The following SLC16A7 variants were observed in gnomAD, a reference collection of about 807,000 sequenced individuals.
The protein encoded by SLC16A7 is monocarboxylate transporter 2.
A neutral mutation model predicts 34.9 loss-of-function variants in SLC16A7; 33 were observed. The ratio of observed to expected loss-of-function variants is 0.94; its 90% CI spans 0.72 to 1.26. SLC16A7 has a LOEUF of 1.26. Among genes scored for constraint, SLC16A7 ranks in the 50% most tolerant of loss-of-function variants. SLC16A7 has a pLI of 0.00. For synonymous variants in SLC16A7, 201 were observed against 206.6 expected, an observed-to-expected ratio of 0.97 and a Z score of 0.23; for missense variants, 573 against 578.1, an observed-to-expected ratio of 0.99 and a Z score of 0.09.
chr12:59,599,035 G>A (rs1242752540), intron 1 of SLC16A7, among the ~76,000 whole-genome samples: 1 of 152,220 alleles, frequency 6.6e-6, no homozygotes, highest in Non-Finnish European at 1.5e-5. Flanking sequence ...GCTGGGGCAA[G>A]CACCGATGCG....
intron 1 of SLC16A7, among the ~76,000 whole-genome samples, chr12:59,639,714 A>G (rs1002287961): frequency 3.3e-5 from 5 of 151,972 alleles, no homozygotes; most frequent in African/African-American, 4.8e-5. Context: ...CATGCACACA[A>G]CCCTTCCGAC....
Position 59,614,233 on chromosome 12 carries a change from C to T in SLC16A7, c.-130+17997C>T, listed in dbSNP as rs546169998. 1.7e-3 allele frequency among the ~76,000 whole-genome samples: 265 copies of T among 152,096 alleles called. 2 individuals carry two copies. The highest frequency in any genetic ancestry group is 6.1e-3 in the African/African-American group (253 of 41,486). Reference sequence around the variant, plus strand: ...TGTATTTTTAGTAGAGATGGAGTTTCGCCATGTTGGCCAGGCTGGTCTCTA... The same window carrying T: ...TGTATTTTTAGTAGAGATGGAGTTTTGCCATGTTGGCCAGGCTGGTCTCTA... On this transcript the variant is annotated intron_variant, in intron 1 of 5. Transcript: ENST00000547379.
chr12:59,774,588 G>A (rs1882546261), intron 4 of SLC16A7, 69 bp from the exon 5 acceptor site: 1 of 893,536 alleles, frequency 1.1e-6, no homozygotes, highest in African/African-American at 1.7e-5. Context: ...TACATTTTGA[G>A]GAGTAATTTC....
intron 1 of SLC16A7, among the ~76,000 whole-genome samples, chr12:59,649,707 G>T (rs1000368665): frequency 6.6e-6 from 1 of 152,130 alleles, no homozygotes; most frequent in Non-Finnish European, 1.5e-5. Context: ...CCAGCACTTG[G>T]GGATGCTGAG....
At chr12:59,742,865 T>TC (rs1248079177) in intron 3 of SLC16A7, among the ~76,000 whole-genome samples, 3 of 152,214 alleles carry the variant, frequency 2.0e-5, no homozygotes, top group African/African-American at 7.2e-5. Context: ...ACAGTTAATT[T>TC]TCTTCATAAT....
intron 2 of SLC16A7, among the ~76,000 whole-genome samples, chr12:59,665,233 A>G (rs1869095497): frequency 6.6e-6 from 1 of 152,110 alleles, no homozygotes; most frequent in South Asian, 2.1e-4. Context: ...TGTATTAATC[A>G]TAATTATTTA....
chr12:59,750,047 C>T (rs2137321742), intron 3 of SLC16A7, among the ~76,000 whole-genome samples: 1 of 152,188 alleles, frequency 6.6e-6, no homozygotes, highest in East Asian at 1.9e-4. Context: ...TTCTTTACAC[C>T]TTATACAAAA....
chr12:59,687,753 A>C (rs555280872), intron 2 of SLC16A7, among the ~76,000 whole-genome samples: 3 of 152,176 alleles, frequency 2.0e-5, no homozygotes, highest in Non-Finnish European at 2.9e-5. Flanking sequence ...GGCTAAAGGG[A>C]CATGTTCTTA....
In SLC16A7 at chr12:59,638,627, A is replaced by G. The variant is rs564049599; in HGVS notation, c.-129-16525A>G. On this transcript the variant is annotated intron_variant, in intron 1 of 5. Transcript: ENST00000547379. ...TGGTGTAATTTTTAAAATGTCTTTCATGATAATTTTCTAGGAAAAGGTTTG... is the reference window on the plus strand; with the variant it reads ...TGGTGTAATTTTTAAAATGTCTTTCGTGATAATTTTCTAGGAAAAGGTTTG... 1.3e-4 allele frequency among the ~76,000 whole-genome samples: 20 copies of G among 152,246 alleles called. No individual in the cohort carries two copies. The South Asian group carries it at 4.1e-3, about 32-fold the overall frequency.
chr12:59,754,726 A>G (rs551721627), intron 3 of SLC16A7, among the ~76,000 whole-genome samples: 6 of 152,340 alleles, frequency 3.9e-5, no homozygotes. Context: ...CAATCAATAC[A>G]AAAAGAGGGA....
At chr12:59,698,869 G>A (rs892898338) in intron 2 of SLC16A7, among the ~76,000 whole-genome samples, 6 of 151,640 alleles carry the variant, frequency 4.0e-5, no homozygotes, top group Non-Finnish European at 8.9e-5. Flanking sequence ...ATCATAATCC[G>A]ATTGTGAAAA....
rs189149255 is a variant in SLC16A7 at position 59,789,319 on chromosome 12, C to A, written c.*9640C>A. The A allele has an allele frequency of 6.6e-6, 1 of 152,096 alleles. No homozygotes were observed. Among genetic ancestry groups the A allele is most frequent in the Non-Finnish European group, 1.5e-5 (1 of 67,978 alleles). The allele number at this position is 152,096 out of a possible 1,614,324, so 9.4% of individuals were successfully genotyped here. A position where few individuals can be genotyped will look rare whatever the true frequency, so the allele number is the denominator to read the frequency against. On this transcript the variant is annotated 3_prime_UTR_variant, in exon 6 of 6. Transcript: ENST00000547379. ...AAAGTAAGACATAGAAAACAAAACA[C>A]CTGTAGCATTTTCTTTATTTAAAAT...
chr12:59,702,574 A>G lies in SLC16A7; in HGVS notation c.-30-2198A>G, dbSNP rs529050191. 7.2e-5 allele frequency among the ~76,000 whole-genome samples: 11 copies of G among 152,192 alleles called. 1 individual carries two copies. The highest frequency in any genetic ancestry group is 2.6e-4 in the African/African-American group (11 of 41,580). ...ACTGTGATTGACTAGGATCTACATT[A>G]TGTGCATTAATTGTTTGTGGTTAAA... On this transcript the variant is annotated intron_variant, in intron 2 of 5. Transcript: ENST00000547379.
At chr12:59,624,774 C>G (rs1202783067) in intron 1 of SLC16A7, among the ~76,000 whole-genome samples, 3 of 142,060 alleles carry the variant, frequency 2.1e-5, no homozygotes, top group Middle Eastern at 3.3e-3. Context: ...GTGTGTGTGT[C>G]TATCTATATG....
chr12:59,665,871 A>G (rs1020614363), intron 2 of SLC16A7, among the ~76,000 whole-genome samples: 1 of 151,436 alleles, frequency 6.6e-6, no homozygotes, highest in South Asian at 2.1e-4. Flanking sequence ...GGTTCTTTCT[A>G]AAGTGTCTGA....
chr12:59,600,396 T>A lies in SLC16A7; in HGVS notation c.-130+4160T>A, dbSNP rs1358644276. Among the ~76,000 whole-genome samples, 3 of 152,216 alleles carry A rather than the reference T, an allele frequency of 2.0e-5. No individual in the cohort carries two copies. In the South Asian group the frequency reaches 6.2e-4, roughly 31 times the overall value. The stretch of plus-strand genomic sequence containing the variant: ...TGTCACAGGCTTTCTCAAAACTGTT[T>A]GGATCAAAGTGATTAAGAAATATCT... On this transcript the variant is annotated intron_variant, in intron 1 of 5. Transcript: ENST00000547379.
At chr12:59,766,373 T>A (rs1438795038) in intron 3 of SLC16A7, among the ~76,000 whole-genome samples, 1 of 152,150 alleles carries the variant, frequency 6.6e-6, no homozygotes, top group South Asian at 2.1e-4. Context: ...CTATGTTGAA[T>A]AGGAGTGGTG....
At chr12:59,746,305 C>G (rs1381044687) in intron 3 of SLC16A7, among the ~76,000 whole-genome samples, 1 of 152,098 alleles carries the variant, frequency 6.6e-6, no homozygotes, top group Admixed American at 6.6e-5. Flanking sequence ...TGATGTCTAC[C>G]AATGAAATCA....
intron 3 of SLC16A7, among the ~76,000 whole-genome samples, chr12:59,725,599 C>A (rs1022574086): frequency 6.6e-6 from 1 of 152,056 alleles, no homozygotes; most frequent in African/African-American, 2.4e-5. Context: ...CTTAATAACA[C>A]TCTAAGATAG....
Sources: allele counts gnomAD v4.1 joint callset (sites outside exome capture counted in the v4.1 genomes callset), GRCh38; gene constraint gnomAD v4.1.1; transcripts MANE v1.5; gene names NCBI Gene and HGNC (gene_info 2026-07-23, HGNC 2026-07-21).